CARM1: variants seen among roughly 807,000 people sequenced by gnomAD.
The protein encoded by CARM1 is coactivator associated arginine methyltransferase 1, also known as histone-arginine methyltransferase CARM1.
Under a neutral mutation model 72.7 loss-of-function variants are expected in CARM1, and 14 were observed. The observed-to-expected ratio is 0.19, with a 90% confidence interval of 0.13 to 0.30. The LOEUF is 0.30. Among genes scored for constraint, CARM1 ranks in the 10% least tolerant of loss-of-function variants. CARM1 has a pLI of 1.00. For missense variants in CARM1, 432 were observed against 833.7 expected (o/e 0.52, Z 5.93); for synonymous variants, 333 against 345.5 (o/e 0.96, Z 0.40).
chr19:10,888,746 C>T (rs977069407), intron 1 of CARM1, among the ~76,000 whole-genome samples: 2 of 152,322 alleles, frequency 1.3e-5, no homozygotes, highest in South Asian at 2.1e-4. Flanking sequence ...TTTTGTAGTG[C>T]ACAAAGCCCC....
intron 1 of CARM1, among the ~76,000 whole-genome samples, chr19:10,887,314 G>T (rs2073949106): frequency 6.6e-6 from 1 of 152,210 alleles, no homozygotes; most frequent in Admixed American, 6.5e-5. Flanking sequence ...CAAAGCCAGG[G>T]TCCCGTCTCC....
At position 10,920,038 on chromosome 19, in the gene CARM1, G is replaced by C. The variant is rs549978703; in HGVS notation, c.1196+72G>C. 2.5e-4 allele frequency: 306 copies of C among 1,209,830 alleles called. No homozygotes were observed. The highest frequency in any genetic ancestry group is 3.4e-4 in the Non-Finnish European group (277 of 823,654). 74.9% of individuals were successfully genotyped at this position (1,209,830 alleles called of 1,614,324 possible). A position where few individuals can be genotyped will look rare whatever the true frequency, so the allele number is the denominator to read the frequency against. ...GCTTCCTGCAGCTGCAACCTGGCTG[G>C]GGGGGTGGAACATGGCTCCAGGTTC... is the stretch of plus-strand genomic sequence containing the variant. On this transcript the variant is annotated intron_variant, in intron 10 of 15. Transcript: ENST00000327064. The surrounding 1 kb of genome is among the most constrained non-coding windows in gnomAD (Gnocchi z 5.3).
At chr19:10,908,702 A>G in intron 3 of CARM1, 1 of 199,988 alleles carries the variant, frequency 5.0e-6, no homozygotes, top group South Asian at 7.5e-5. Context: ...CCGTTGTCTT[A>G]CAGAGAGACA....
chr19:10,900,723 G>A (rs191871962), intron 1 of CARM1, among the ~76,000 whole-genome samples: 18 of 152,008 alleles, frequency 1.2e-4, no homozygotes, highest in African/African-American at 3.1e-4. Context: ...TGGCTCTGTC[G>A]CCCAGGCTGG....
chr19:10,909,274 AT>A, intron 4 of CARM1, 67 bp downstream of exon 4: 1 of 977,532 alleles, frequency 1.0e-6, no homozygotes, highest in Non-Finnish European at 1.6e-6. Flanking sequence ...TTGCTCATTG[AT>A]TTTATCTTTA....
chr19:10,920,651 G>C lies in CARM1; in HGVS notation c.1335-8G>C, dbSNP rs2145248460. On this transcript the variant is annotated splice_region_variant and splice_polypyrimidine_tract_variant and intron_variant, in intron 11 of 15. Coordinates refer to ENST00000327064, the MANE Select transcript of CARM1 (RefSeq NM_199141.2). The surrounding 1 kb of genome is among the most constrained non-coding windows in gnomAD (Gnocchi z 5.3). ...CAGCTCATGCCACGGCCTGCACCCT[G>C]TCCGCAGACAGAGCTACGACATCAG... 2 of 1,614,152 alleles carry C rather than the reference G, an allele frequency of 1.2e-6. No individual in the cohort carries two copies. The highest frequency in any genetic ancestry group is 1.7e-6 in the Non-Finnish European group (2 of 1,179,996).
In CARM1 at chr19:10,920,873, C is replaced by G. The variant is rs370071419; in HGVS notation, c.1464C>G (p.His488Gln). The change falls in exon 13 of 16, where the codon CAC becomes CAG. Residue 488 changes from histidine to glutamine, a missense_variant. This residue lies in a region of CARM1 where 142 missense variants were observed against 188.7 expected (regional missense o/e 0.75). Coordinates refer to ENST00000327064, the MANE Select transcript of CARM1 (RefSeq NM_199141.2). The surrounding 1 kb of genome is among the most constrained non-coding windows in gnomAD (Gnocchi z 5.3). Reference protein sequence around the residue: ...GTTPSPPPGSHYTSPSENMWN... With the variant: ...GTTPSPPPGSQYTSPSENMWN... Reference sequence around the variant, plus strand: ...CGCCCTCACCCCCACCCGGCTCCCACTACACATCTCCCTCGGAAAACATGT... The same window carrying G: ...CGCCCTCACCCCCACCCGGCTCCCAGTACACATCTCCCTCGGAAAACATGT... The G allele has an allele frequency of 6.2e-7, 1 of 1,614,254 alleles. No homozygotes were observed. Among genetic ancestry groups the G allele is most frequent in the Admixed American group, 1.7e-5 (1 of 60,038 alleles).
chr19:10,890,265 G>GTTTTTTTTTTTTTTTTTTT (rs71164129), intron 1 of CARM1, among the ~76,000 whole-genome samples: 1 of 144,522 alleles, frequency 6.9e-6, no homozygotes, highest in Non-Finnish European at 1.5e-5. Flanking sequence ...TTTTTGTTTT[G>GTTTTTTTTTTTTTTTTTTT]TTTGTTTTTT....
chr19:10,872,394 C>A (rs1043257598), intron 1 of CARM1, among the ~76,000 whole-genome samples: 1 of 151,964 alleles, frequency 6.6e-6, no homozygotes, highest in African/African-American at 2.4e-5. Context: ...TAGCTCAGGA[C>A]GGTTGGAAAG....
intron 1 of CARM1, among the ~76,000 whole-genome samples, chr19:10,885,464 A>G (rs2073934213): frequency 6.6e-6 from 1 of 152,180 alleles, no homozygotes; most frequent in Non-Finnish European, 1.5e-5. Context: ...GGTTTTATGT[A>G]TAGAAAACCT....
intron 1 of CARM1, among the ~76,000 whole-genome samples, chr19:10,901,808 A>T (rs1271365488): frequency 2.0e-5 from 3 of 152,106 alleles, no homozygotes; most frequent in Non-Finnish European, 2.9e-5. Context: ...GGGTGTGATG[A>T]TGCATGTCTG....
intron 2 of CARM1, among the ~76,000 whole-genome samples, chr19:10,906,882 T>G (rs1233374608): frequency 2.8e-5 from 4 of 142,402 alleles, no homozygotes; most frequent in African/African-American, 1.0e-4. Context: ...TTTATTTTAT[T>G]TTATTTTATT....
At chr19:10,888,750 A>G (rs2073960206) in intron 1 of CARM1, among the ~76,000 whole-genome samples, 1 of 152,192 alleles carries the variant, frequency 6.6e-6, no homozygotes, top group South Asian at 2.1e-4. Flanking sequence ...GTAGTGCACA[A>G]AGCCCCAGGC....
At chr19:10,911,705 A>C (rs1261547744) in intron 4 of CARM1, among the ~76,000 whole-genome samples, 1 of 152,162 alleles carries the variant, frequency 6.6e-6, no homozygotes, top group African/African-American at 2.4e-5. Flanking sequence ...GCCATGAGTG[A>C]CCACCACGGG....
chr19:10,898,899 G>A (rs1568351087), intron 1 of CARM1, among the ~76,000 whole-genome samples: 1 of 152,220 alleles, frequency 6.6e-6, no homozygotes, highest in East Asian at 1.9e-4. Flanking sequence ...CCTGGGGCCT[G>A]GCCCATGTAG....
chr19:10,888,848 C>G (rs1303194129), intron 1 of CARM1, among the ~76,000 whole-genome samples: 1 of 152,164 alleles, frequency 6.6e-6, no homozygotes, highest in African/African-American at 2.4e-5. Context: ...TTCAGAAAAG[C>G]CAAGCTCTTT....
At chr19:10,877,858 G>C (rs1038997807) in intron 1 of CARM1, among the ~76,000 whole-genome samples, 1 of 152,214 alleles carries the variant, frequency 6.6e-6, no homozygotes, top group African/African-American at 2.4e-5. Flanking sequence ...CTCCCGAGTA[G>C]CTGGGATTAC....
Position 10,920,060 on chromosome 19 carries a change from G to A in CARM1, c.1196+94G>A. Reference sequence around the variant, plus strand: ...CTGGGGGGGTGGAACATGGCTCCAGGTTCCACCATCCCTTCCAATGGGAGT... The same window carrying A: ...CTGGGGGGGTGGAACATGGCTCCAGATTCCACCATCCCTTCCAATGGGAGT... On this transcript the variant is annotated intron_variant, in intron 10 of 15. Transcript: ENST00000327064. The surrounding 1 kb of genome is among the most constrained non-coding windows in gnomAD (Gnocchi z 5.3). The A allele has an allele frequency of 1.1e-6, 1 of 945,890 alleles. No homozygotes were observed. The highest frequency in any genetic ancestry group is 1.7e-6 in the Non-Finnish European group (1 of 593,888). The allele number at this position is 945,890 out of a possible 1,614,324, so 58.6% of individuals were successfully genotyped here.
In CARM1 at chr19:10,872,926, A is replaced by G. The variant is rs2073831145; in HGVS notation, c.220+1004A>G. 1.3e-5 allele frequency among the ~76,000 whole-genome samples: 2 copies of G among 152,028 alleles called. 1 individual carries two copies. Among genetic ancestry groups the G allele is most frequent in the Admixed American group, 1.3e-4 (2 of 15,256 alleles). On this transcript the variant is annotated intron_variant, in intron 1 of 15. Coordinates refer to ENST00000327064, the MANE Select transcript of CARM1 (RefSeq NM_199141.2). ...TGTGTGAATTTTTTGCCACTTTGGAAACGGCCCGATTAAAGGAAAGCCCGA... is the reference window on the plus strand; with the variant it reads ...TGTGTGAATTTTTTGCCACTTTGGAGACGGCCCGATTAAAGGAAAGCCCGA...
Sources: allele counts gnomAD v4.1 joint callset (sites outside exome capture counted in the v4.1 genomes callset), GRCh38; gene constraint gnomAD v4.1.1; regional missense constraint gnomAD v4.1.1; non-coding constraint Gnocchi (gnomAD v3.1); transcripts MANE v1.5; gene names NCBI Gene and HGNC (gene_info 2026-07-23, HGNC 2026-07-21).